LRMDA: variants seen among roughly 807,000 people sequenced by gnomAD.
The protein encoded by LRMDA is leucine-rich melanocyte differentiation-associated protein.
Under a neutral mutation model 29.8 loss-of-function variants are expected in LRMDA, and 18 were observed. The observed-to-expected ratio is 0.60, with a 90% CI of 0.42 to 0.90. LRMDA has a LOEUF of 0.90. Ranked by LOEUF, LRMDA falls within the 40% of genes least tolerant of loss-of-function variation. The pLI, the probability that LRMDA is intolerant of heterozygous loss-of-function variation, is 0.00. For missense variants in LRMDA, 273 were observed against 273.9 expected, an observed-to-expected ratio of 1.00 and a Z score of 0.02; for synonymous variants, 125 against 109.4, an observed-to-expected ratio of 1.14 and a Z score of -0.89.
chr10:76,188,168 A>G (rs142465408), intron 5 of LRMDA, among the ~76,000 whole-genome samples: 152 of 152,252 alleles, frequency 1.0e-3, no homozygotes, highest in Middle Eastern at 6.8e-3. Context: ...ACCCCTTTGC[A>G]TTGCTGCAGA....
At chr10:76,249,357 G>A (rs1248453402) in intron 5 of LRMDA, among the ~76,000 whole-genome samples, 1 of 152,162 alleles carries the variant, frequency 6.6e-6, no homozygotes, top group Non-Finnish European at 1.5e-5. Context: ...AAGTCCTTGT[G>A]TTTTAGTCCT....
At chr10:75,587,916 T>A (rs3001920) in intron 2 of LRMDA, among the ~76,000 whole-genome samples, 1 of 152,100 alleles carries the variant, frequency 6.6e-6, no homozygotes, top group Non-Finnish European at 1.5e-5. Flanking sequence ...GAGCTGGAAA[T>A]CTTAAAGAGG....
At chr10:76,085,399 A>T (rs569930254) in intron 5 of LRMDA, among the ~76,000 whole-genome samples, 1 of 152,324 alleles carries the variant, frequency 6.6e-6, no homozygotes, top group South Asian at 2.1e-4. Flanking sequence ...TTAGGCCAAC[A>T]GAAATTGGTA....
chr10:76,164,498 C>T (rs74928826), intron 5 of LRMDA, among the ~76,000 whole-genome samples: 3,706 of 152,080 alleles, frequency 0.024, 162 homozygotes, highest in East Asian at 0.19. Context: ...ATATGAGCTA[C>T]GAATGCTTTT....
At chr10:76,285,505 T>G (rs7101263) in intron 5 of LRMDA, among the ~76,000 whole-genome samples, 4,570 of 152,266 alleles carry the variant, frequency 0.03, 196 homozygotes, top group African/African-American at 0.094. Context: ...AAAAGCATAT[T>G]GTCTCTGAGA....
intron 2 of LRMDA, among the ~76,000 whole-genome samples, chr10:75,932,956 C>T (rs1169358908): frequency 6.6e-6 from 1 of 152,180 alleles, no homozygotes; most frequent in Non-Finnish European, 1.5e-5. Flanking sequence ...AATTACTTAA[C>T]CAAAGCCTTA....
At chr10:76,407,213 C>T (rs982124429) in intron 6 of LRMDA, among the ~76,000 whole-genome samples, 1 of 152,180 alleles carries the variant, frequency 6.6e-6, no homozygotes, top group Admixed American at 6.5e-5. Flanking sequence ...GAGTGATACT[C>T]AAAGTTGCGG....
In LRMDA at chr10:76,398,279, A is replaced by G. The variant is rs1418293837; in HGVS notation, c.601+73794A>G. 2.6e-5 allele frequency among the ~76,000 whole-genome samples: 4 copies of G among 151,776 alleles called. No homozygotes were observed. In the East Asian group the frequency reaches 7.8e-4, roughly 29 times the overall value. ...AAGACACTGACGTCCCCCTCCCCCC[A>G]GCTCCCTCCCTCTGTTCTTCTAGTA... On this transcript the variant is annotated intron_variant, in intron 6 of 6. Coordinates refer to ENST00000611255, the MANE Select transcript of LRMDA (RefSeq NM_001305581.2).
At chr10:75,922,482 A>G (rs1048771040) in intron 2 of LRMDA, among the ~76,000 whole-genome samples, 13 of 152,174 alleles carry the variant, frequency 8.5e-5, no homozygotes, top group Admixed American at 5.9e-4. Context: ...CTTATTAGCC[A>G]GTTTGGAGGT....
Position 76,143,633 on chromosome 10 carries a change from T to G in LRMDA, c.516+84850T>G, listed in dbSNP as rs546659799. Among the ~76,000 whole-genome samples the G allele has an allele frequency of 6.3e-3, 954 of 152,286 alleles. 9 individuals carry two copies. The highest frequency in any genetic ancestry group is 0.021 in the African/African-American group (888 of 41,536). On this transcript the variant is annotated intron_variant, in intron 5 of 6. Coordinates refer to ENST00000611255, the MANE Select transcript of LRMDA (RefSeq NM_001305581.2). Reference sequence around the variant, plus strand: ...GTAGGTTGCAAAAATTTTCTCCCATTCTGTAGGTTGCCTGTTCACTCTGAT... The same window carrying G: ...GTAGGTTGCAAAAATTTTCTCCCATGCTGTAGGTTGCCTGTTCACTCTGAT...
At chr10:76,193,081 G>T (rs1340977461) in intron 5 of LRMDA, among the ~76,000 whole-genome samples, 1 of 152,124 alleles carries the variant, frequency 6.6e-6, no homozygotes, top group Non-Finnish European at 1.5e-5. Context: ...CTGGACTAAG[G>T]CTAGGTTGCA....
intron 2 of LRMDA, among the ~76,000 whole-genome samples, chr10:75,975,985 T>G (rs928039472): frequency 6.6e-6 from 1 of 152,236 alleles, no homozygotes. Flanking sequence ...CTTTTCTTCT[T>G]TTCTTCCTAC....
chr10:75,735,918 G>A (rs1005943058), intron 2 of LRMDA, among the ~76,000 whole-genome samples: 2 of 152,048 alleles, frequency 1.3e-5, no homozygotes, highest in Admixed American at 6.6e-5. Flanking sequence ...ATCTTTCCAC[G>A]GTAAGATGCC....
At chr10:75,556,721 T>G (rs1363734227) in intron 2 of LRMDA, among the ~76,000 whole-genome samples, 1 of 150,228 alleles carries the variant, frequency 6.7e-6, no homozygotes, top group Non-Finnish European at 1.5e-5. Flanking sequence ...GCATAAGGGG[T>G]GGGGTAACAG....
intron 5 of LRMDA, among the ~76,000 whole-genome samples, chr10:76,078,103 C>T (rs12356642): frequency 0.26 from 37,900 of 145,532 alleles, 6,515 homozygotes; most frequent in Non-Finnish European, 0.37. Flanking sequence ...TTCTGCCTCC[C>T]GGGTTCAGGC....
At chr10:76,186,904 G>A (rs2065641723) in intron 5 of LRMDA, among the ~76,000 whole-genome samples, 1 of 152,054 alleles carries the variant, frequency 6.6e-6, no homozygotes, top group Admixed American at 6.5e-5. Flanking sequence ...TGGACCAGTT[G>A]GTCTTTTGCA....
At chr10:75,500,733 A>G (rs776365596) in intron 2 of LRMDA, among the ~76,000 whole-genome samples, 1 of 152,172 alleles carries the variant, frequency 6.6e-6, no homozygotes, top group African/African-American at 2.4e-5. Flanking sequence ...GAGAGAGTGT[A>G]CGAAGGGGGA....
chr10:76,205,122 G>A (rs962764132), intron 5 of LRMDA, among the ~76,000 whole-genome samples: 15 of 152,106 alleles, frequency 9.9e-5, no homozygotes, highest in Non-Finnish European at 1.6e-4. Context: ...TCCCAAGAGC[G>A]CACTTAAAAA....
At chr10:75,771,500 C>T (rs1444549041) in intron 2 of LRMDA, among the ~76,000 whole-genome samples, 1 of 152,102 alleles carries the variant, frequency 6.6e-6, no homozygotes, top group Non-Finnish European at 1.5e-5. Flanking sequence ...GTGAAAAAGC[C>T]TGGCGAGTTT....
Sources: gnomAD v4.1 joint callset for allele counts (sites outside exome capture counted in the v4.1 genomes callset) on GRCh38, gnomAD v4.1.1 for gene constraint, MANE v1.5 for transcripts, NCBI Gene and HGNC (gene_info 2026-07-23, HGNC 2026-07-21) for gene names.